The following TMEM117 variants were observed in gnomAD, a reference collection of about 807,000 sequenced individuals.
TMEM117 encodes the protein transmembrane protein 117.
TMEM117 carries 27 observed loss-of-function variants against 52.4 expected under a neutral mutation model. The observed-to-expected ratio is 0.51, with a 90% CI of 0.38 to 0.71. The LOEUF is 0.71. TMEM117 is among the 30% of genes least tolerant of loss of function. TMEM117 has a pLI of 0.00. For synonymous variants in TMEM117, 215 were observed against 206.3 expected (o/e 1.04, Z -0.36); for missense variants, 556 against 630.5 (o/e 0.88, Z 1.26).
chr12:43,925,413 A>G (rs1034775675), intron 2 of TMEM117, among the ~76,000 whole-genome samples: 1 of 152,150 alleles, frequency 6.6e-6, no homozygotes, highest in Non-Finnish European at 1.5e-5. Context: ...TTTATTTAAA[A>G]TCTCAAACAT....
the TMEM117 span, among the ~76,000 whole-genome samples, chr12:43,810,413 A>G: frequency 5.9e-5 from 9 of 152,324 alleles, no homozygotes; most frequent in East Asian, 1.7e-3. Context: ...AGGAGATATT[A>G]TCTCATACTG....
At chr12:44,035,162 T>C (rs545974985) in intron 3 of TMEM117, among the ~76,000 whole-genome samples, 2 of 152,214 alleles carry the variant, frequency 1.3e-5, no homozygotes. Flanking sequence ...CCAATTCCAC[T>C]ATAATAAATC....
intron 3 of TMEM117, among the ~76,000 whole-genome samples, chr12:44,101,043 G>T (rs143989332): frequency 8.6e-5 from 13 of 151,930 alleles, no homozygotes; most frequent in African/African-American, 3.1e-4. Context: ...TTCCTAGAAG[G>T]TGTCTTCTTG....
chr12:44,253,527 G>A (rs1478587305), intron 5 of TMEM117, among the ~76,000 whole-genome samples: 1 of 152,144 alleles, frequency 6.6e-6, no homozygotes, highest in Non-Finnish European at 1.5e-5. Flanking sequence ...CTGAATTTCA[G>A]TTGTGGGTTA....
chr12:44,055,449 A>G (rs1331625085), intron 3 of TMEM117, among the ~76,000 whole-genome samples: 1 of 152,216 alleles, frequency 6.6e-6, no homozygotes. Context: ...AAATAATACA[A>G]ATTCACTGTA....
the TMEM117 span, among the ~76,000 whole-genome samples, chr12:43,796,291 A>G: frequency 6.6e-6 from 1 of 152,156 alleles, no homozygotes; most frequent in African/African-American, 2.4e-5. Context: ...AGAAGGTGCT[A>G]CCCATGATAA....
intron 5 of TMEM117, among the ~76,000 whole-genome samples, chr12:44,235,542 AAAAGTTAT>A (rs1362257085): frequency 2.6e-5 from 4 of 151,804 alleles, no homozygotes; most frequent in Non-Finnish European, 5.9e-5. Flanking sequence ...CTATCAGTAT[AAAAGTTAT>A]AAACTCTGCT....
chr12:44,336,492 C>T (rs1348678208), intron 6 of TMEM117, among the ~76,000 whole-genome samples: 2 of 151,940 alleles, frequency 1.3e-5, no homozygotes, highest in Non-Finnish European at 2.9e-5. Flanking sequence ...CAACCCTTTA[C>T]TATAGAAGTG....
chr12:44,084,991 C>G (rs78579151), intron 3 of TMEM117, among the ~76,000 whole-genome samples: 4,434 of 152,200 alleles, frequency 0.029, 99 homozygotes, highest in Admixed American at 0.038. Flanking sequence ...GCTAGGGTTG[C>G]TGTGAAGATT....
chr12:43,868,878 AAAAC>A (rs1232810309), intron 2 of TMEM117, among the ~76,000 whole-genome samples: 7 of 90,288 alleles, frequency 7.8e-5, no homozygotes, highest in East Asian at 4.5e-4. Context: ...AGGAAAAAGA[AAAAC>A]AATAGAGAAA....
intron 3 of TMEM117, among the ~76,000 whole-genome samples, chr12:43,973,684 A>G (rs138557291): frequency 2.0e-5 from 3 of 152,314 alleles, no homozygotes; most frequent in African/African-American, 7.2e-5. Context: ...ATTATCATAT[A>G]CTTACTGTTG....
chr12:44,135,044 C>G (rs1948469799), intron 3 of TMEM117, among the ~76,000 whole-genome samples: 1 of 152,158 alleles, frequency 6.6e-6, no homozygotes, highest in Non-Finnish European at 1.5e-5. Context: ...CTGCCACTCT[C>G]ACTCTCTTTC....
intron 7 of TMEM117, among the ~76,000 whole-genome samples, 177 bp downstream of exon 7, chr12:44,376,901 G>C (rs892045093): frequency 1.3e-5 from 2 of 152,116 alleles, no homozygotes; most frequent in Non-Finnish European, 2.9e-5. Flanking sequence ...TATCATTCTG[G>C]GACCTAAGTT....
At chr12:43,939,799 G>A (rs1036647527) in intron 2 of TMEM117, among the ~76,000 whole-genome samples, 2 of 152,276 alleles carry the variant, frequency 1.3e-5, no homozygotes, top group African/African-American at 4.8e-5. Flanking sequence ...ATATACCTAA[G>A]ACTGGGTAAT....
At chr12:44,254,245 A>G in intron 5 of TMEM117, among the ~76,000 whole-genome samples, 1 of 152,092 alleles carries the variant, frequency 6.6e-6, no homozygotes, top group East Asian at 1.9e-4. Context: ...AACAAAATTG[A>G]AAATGACTTA....
At position 44,034,212 on chromosome 12, in the gene TMEM117, A is replaced by C. The variant is rs376286268; in HGVS notation, c.410+89870A>C. 9.8e-5 allele frequency among the ~76,000 whole-genome samples: 15 copies of C among 152,318 alleles called. No individual in the cohort carries two copies. The East Asian group carries it at 2.9e-3, about 29-fold the overall frequency. On this transcript the variant is annotated intron_variant, in intron 3 of 7. Transcript: ENST00000266534. ...ACATCTGAAAAAACCCTCCTGCTAC[A>C]TACATAGAGAAATGCTAGGTTAGCT...
At chr12:44,389,800 T>G (rs2138882011), downstream of TMEM117, 1 of 152,278 alleles carries the variant, frequency 6.6e-6, no homozygotes, top group East Asian at 1.9e-4. Flanking sequence ...GTATCTTGGC[T>G]TAAGAAAAGT....
chr12:44,284,564 C>T (rs186337193), intron 5 of TMEM117, among the ~76,000 whole-genome samples: 42 of 152,288 alleles, frequency 2.8e-4, no homozygotes, highest in African/African-American at 9.4e-4. Context: ...GATTAACATG[C>T]CCATTAGGTG....
chr12:44,235,132 A>G (rs1272297742), intron 5 of TMEM117, among the ~76,000 whole-genome samples: 2 of 151,628 alleles, frequency 1.3e-5, no homozygotes, highest in African/African-American at 4.8e-5. Flanking sequence ...TAAGTGGTGC[A>G]TAGAATTTGT....
Sources: gnomAD v4.1 joint callset for allele counts (sites outside exome capture counted in the v4.1 genomes callset) on GRCh38, gnomAD v4.1.1 for gene constraint, MANE v1.5 for transcripts, NCBI Gene and HGNC (gene_info 2026-07-23, HGNC 2026-07-21) for gene names.